SH3PXD2A: variants seen among roughly 807,000 people sequenced by gnomAD.
The protein encoded by SH3PXD2A is SH3 and PX domains 2A, also known as SH3 and PX domain-containing protein 2A.
Under a neutral mutation model 115.2 loss-of-function variants are expected in SH3PXD2A, and 32 were observed. The ratio of observed to expected loss-of-function variants is 0.28; its 90% CI spans 0.21 to 0.37. The LOEUF is 0.37. Ranked by LOEUF, SH3PXD2A falls within the 10% of genes least tolerant of loss-of-function variation. The pLI, the probability that SH3PXD2A is intolerant of heterozygous loss-of-function variation, is 1.00. For synonymous variants in SH3PXD2A, 610 were observed against 629.1 expected, an observed-to-expected ratio of 0.97 and a Z score of 0.45; for missense variants, 1,328 against 1,498.7, an observed-to-expected ratio of 0.89 and a Z score of 1.88.
At chr10:103,716,927 G>T (rs1259412563) in intron 5 of SH3PXD2A, among the ~76,000 whole-genome samples, 3 of 152,214 alleles carry the variant, frequency 2.0e-5, no homozygotes, top group African/African-American at 7.2e-5. Flanking sequence ...TGCTGCTGCT[G>T]TGCGCTTCCA....
At chr10:103,845,444 G>C (rs1271960073) in intron 1 of SH3PXD2A, among the ~76,000 whole-genome samples, 5 of 151,948 alleles carry the variant, frequency 3.3e-5, no homozygotes, top group Admixed American at 3.3e-4. Flanking sequence ...AGTGACCTCT[G>C]GTCATCCTGA....
intron 2 of SH3PXD2A, among the ~76,000 whole-genome samples, chr10:103,782,145 G>C (rs911980810): frequency 1.5e-4 from 23 of 152,172 alleles, no homozygotes; most frequent in African/African-American, 5.6e-4. Flanking sequence ...AAGAATAAGA[G>C]AGGAATGGAG....
intron 1 of SH3PXD2A, among the ~76,000 whole-genome samples, chr10:103,811,047 C>T (rs1331379356): frequency 2.0e-5 from 3 of 152,140 alleles, no homozygotes; most frequent in Non-Finnish European, 4.4e-5. Flanking sequence ...CAAAAAATAG[C>T]TCTGCTGCCC....
In SH3PXD2A at chr10:103,613,047, G is replaced by T; in HGVS notation, c.1064C>A (p.Ala355Glu). ...MEISNLLNKK[A>E]SGDKETPPAE... ...TGGTGGAGTTTCCTTGTCCCCAGAC[G>T]CCTTCTTGTTCAGCAGGTTGCTGAT... The change falls in exon 12 of 15, where the codon GCG becomes GAG. Residue 355 changes from alanine to glutamate, a missense_variant. By Grantham distance (107) the Ala-to-Glu change is moderately radical. Around this residue, in one of 5 missense-constraint regions of SH3PXD2A, gnomAD observed 509 missense variants for 628.3 expected, o/e 0.81. Coordinates refer to ENST00000369774, the MANE Select transcript of SH3PXD2A (RefSeq NM_001394015.1). 6.2e-7 allele frequency: 1 copy of T among 1,614,214 alleles called. No individual in the cohort carries two copies. The highest frequency in any genetic ancestry group is 8.5e-7 in the Non-Finnish European group (1 of 1,180,048).
At chr10:103,845,523 T>C (rs770073938) in intron 1 of SH3PXD2A, among the ~76,000 whole-genome samples, 14 of 152,146 alleles carry the variant, frequency 9.2e-5, no homozygotes, top group Non-Finnish European at 7.4e-5. Context: ...TTACCCTATA[T>C]GGTCTCACAA....
At chr10:103,739,986 T>C (rs1009237968) in intron 3 of SH3PXD2A, among the ~76,000 whole-genome samples, 2 of 152,180 alleles carry the variant, frequency 1.3e-5, no homozygotes, top group Admixed American at 6.5e-5. Context: ...GACTGCTGTG[T>C]GCTCATCGGA....
In SH3PXD2A at chr10:103,622,470, C is replaced by T; in HGVS notation, c.802G>A (p.Glu268Lys). ...GGMVNRQHSR[E>K]EKYVTVQPYT... ...AGGAGAAGCCAGCTCCCGCAGTCACCTCGGCTGTGCTGCCTGTTGACCATC... is the reference window on the plus strand; with the variant it reads ...AGGAGAAGCCAGCTCCCGCAGTCACTTCGGCTGTGCTGCCTGTTGACCATC... Residue 268 changes from glutamate to lysine, a missense_variant and splice_region_variant, in exon 10 of 15, where the codon GAG (glutamate) becomes AAG (lysine). Glu to Lys is a moderately conservative substitution (Grantham distance 56). This residue lies in a region of SH3PXD2A where 509 missense variants were observed against 628.3 expected (regional missense o/e 0.81). Coordinates refer to ENST00000369774, the MANE Select transcript of SH3PXD2A (RefSeq NM_001394015.1). 3 of 1,547,836 alleles carry T rather than the reference C, an allele frequency of 1.9e-6. No homozygotes were observed. The highest frequency in any genetic ancestry group is 2.4e-5 in the East Asian group (1 of 40,918).
chr10:103,713,210 G>T (rs1314670813), intron 5 of SH3PXD2A, among the ~76,000 whole-genome samples: 1 of 152,202 alleles, frequency 6.6e-6, no homozygotes, highest in African/African-American at 2.4e-5. Flanking sequence ...TGAAGGGGAA[G>T]GAGTCACAAG....
rs375193619 is a variant in SH3PXD2A at position 103,625,323 on chromosome 10, C to T, written c.718+1766G>A. ...TTCAACTGGGGCTCTGATTCATACA[C>T]GCACTGCCCTAGAGCTGCCTGTACT... On this transcript the variant is annotated intron_variant, in intron 9 of 14. Transcript: ENST00000369774. Among the ~76,000 whole-genome samples, 126 of 152,374 alleles carry T rather than the reference C, an allele frequency of 8.3e-4. No individual in the cohort carries two copies. In the South Asian group the frequency reaches 0.025, roughly 30 times the overall value.
intron 1 of SH3PXD2A, among the ~76,000 whole-genome samples, chr10:103,815,618 C>T (rs1017127975): frequency 5.3e-5 from 8 of 151,788 alleles, no homozygotes; most frequent in African/African-American, 7.3e-5. Context: ...GGGCCAGGTG[C>T]GGTGGCTCAT....
chr10:103,827,381 G>T (rs2065011), intron 1 of SH3PXD2A, among the ~76,000 whole-genome samples: 151,683 of 152,160 alleles, frequency 1, 75,612 homozygotes, highest in Middle Eastern at 1. Context: ...GTAACACTAC[G>T]GAAATGGAGT....
intron 1 of SH3PXD2A, among the ~76,000 whole-genome samples, chr10:103,811,189 A>G (rs576187577): frequency 6.6e-6 from 1 of 152,306 alleles, no homozygotes; most frequent in African/African-American, 2.4e-5. Flanking sequence ...TGTATAAACT[A>G]GGAACTCCCA....
chr10:103,808,106 C>G (rs1233082306), intron 1 of SH3PXD2A, among the ~76,000 whole-genome samples: 1 of 152,044 alleles, frequency 6.6e-6, no homozygotes, highest in Non-Finnish European at 1.5e-5. Flanking sequence ...TGCAGCCCAC[C>G]CAGCAGAGCA....
chr10:103,724,447 GACAGAGAGGCTCAAGA>G lies in SH3PXD2A; in HGVS notation c.307-102_307-87del, dbSNP rs1364018737. The G allele has an allele frequency of 5.5e-6, 4 of 729,386 alleles. No individual in the cohort carries two copies. The East Asian group carries it at 1.3e-4, about 24-fold the overall frequency. 45.2% of individuals were successfully genotyped at this position (729,386 alleles called of 1,614,324 possible). ...GACAGTGTCACCTTACACCAACAGT[GACAGAGAGGCTCAAGA>G]ACTGAGCCATGGAAGACATGGTCAA... On this transcript the variant is annotated intron_variant, in intron 4 of 14. Transcript: ENST00000369774.
chr10:103,851,716 T>C (rs1317771799), intron 1 of SH3PXD2A, among the ~76,000 whole-genome samples: 1 of 152,146 alleles, frequency 6.6e-6, no homozygotes, highest in African/African-American at 2.4e-5. Flanking sequence ...AACACGAGTG[T>C]TAAGTATGTT....
At chr10:103,662,525 G>A (rs955498400) in intron 7 of SH3PXD2A, among the ~76,000 whole-genome samples, 26 of 144,468 alleles carry the variant, frequency 1.8e-4, no homozygotes, top group South Asian at 4.6e-4. Flanking sequence ...TCAGCCTCCC[G>A]AGTAGCTGGG....
intron 1 of SH3PXD2A, among the ~76,000 whole-genome samples, chr10:103,812,603 C>T (rs915486963): frequency 6.6e-6 from 1 of 152,152 alleles, no homozygotes; most frequent in African/African-American, 2.4e-5. Context: ...TCCATCGTCA[C>T]ACCCTGGAGA....
chr10:103,801,325 G>A lies in SH3PXD2A; in HGVS notation c.110C>T (p.Ser37Phe). 2 of 1,612,694 alleles carry A rather than the reference G, an allele frequency of 1.2e-6. No homozygotes were observed. The highest frequency in any genetic ancestry group is 1.7e-6 in the Non-Finnish European group (2 of 1,178,700). The change falls in exon 2 of 15, where the codon TCC (serine) becomes TTC (phenylalanine). Residue 37 changes from serine (S) to phenylalanine (F), a missense_variant. By Grantham distance (155) the Ser-to-Phe change is radical. Coordinates refer to ENST00000369774, the MANE Select transcript of SH3PXD2A (RefSeq NM_001394015.1). ...IINVTWSDSTSQTIYRRYSKF... is the reference protein window; with the variant it reads ...IINVTWSDSTFQTIYRRYSKF... Reference sequence around the variant, plus strand: ...GCTGTACCTCCGGTAGATAGTCTGGGAGGTGGAGTCAGACCAGGTCACATT... The same window carrying A: ...GCTGTACCTCCGGTAGATAGTCTGGAAGGTGGAGTCAGACCAGGTCACATT...
chr10:103,787,494 G>T (rs973888484), intron 2 of SH3PXD2A, among the ~76,000 whole-genome samples: 1 of 152,158 alleles, frequency 6.6e-6, no homozygotes, highest in Non-Finnish European at 1.5e-5. Context: ...TGGATGGAGT[G>T]GGGGCAGGCA....
Sources: gnomAD v4.1 joint callset for allele counts (sites outside exome capture counted in the v4.1 genomes callset) on GRCh38, gnomAD v4.1.1 for gene constraint, gnomAD v4.1.1 regional missense constraint, MANE v1.5 for transcripts, NCBI Gene and HGNC (gene_info 2026-07-23, HGNC 2026-07-21) for gene names.